CC2D2B: variants seen among roughly 807,000 people sequenced by gnomAD.
CC2D2B encodes protein CC2D2B.
Under a neutral mutation model 161.2 loss-of-function variants are expected in CC2D2B, and 128 were observed. The observed-to-expected ratio is 0.79, with a 90% CI of 0.69 to 0.92. CC2D2B has a LOEUF of 0.92. CC2D2B is among the 40% of genes least tolerant of loss of function. The probability of loss-of-function intolerance (pLI) is 0.00; values close to 1 mark genes in which losing one functional copy is unlikely to be tolerated. For synonymous variants in CC2D2B, 391 were observed against 449.8 expected, an observed-to-expected ratio of 0.87 and a Z score of 1.65; for missense variants, 1,173 against 1,375.1, an observed-to-expected ratio of 0.85 and a Z score of 2.32.
chr10:95,971,065 T>G (rs934932014), intron 15 of CC2D2B, among the ~76,000 whole-genome samples: 15 of 152,134 alleles, frequency 9.9e-5, no homozygotes. Context: ...GACAACACAG[T>G]ATAAGTCAAA....
intron 6 of CC2D2B, among the ~76,000 whole-genome samples, chr10:95,928,570 C>A (rs889669399): frequency 6.6e-6 from 1 of 152,122 alleles, no homozygotes; most frequent in Admixed American, 6.5e-5. Flanking sequence ...CCCCCACCCC[C>A]TGACAGGCCC....
intron 2 of CC2D2B, among the ~76,000 whole-genome samples, chr10:95,915,144 C>T (rs2098513773): frequency 1.3e-5 from 2 of 151,904 alleles, no homozygotes; most frequent in Admixed American, 1.3e-4. Flanking sequence ...TAAGTTAATT[C>T]CTGGGTATTT....
chr10:95,952,536 T>C (rs1765962557), intron 10 of CC2D2B: 2 of 152,258 alleles, frequency 1.3e-5, no homozygotes, highest in East Asian at 1.9e-4. Context: ...TCTTACCATA[T>C]GTATTATTTG....
In CC2D2B at chr10:95,993,826, TAAAG is replaced by T. The variant is rs1196422882; in HGVS notation, c.2642+1131_2642+1134del. Among the ~76,000 whole-genome samples, 35 of 136,232 alleles carry T rather than the reference TAAAG, an allele frequency of 2.6e-4. 1 individual carries two copies. In the East Asian group the frequency reaches 6.3e-3, roughly 24 times the overall value. 89.4% of individuals were successfully genotyped at this position (136,232 alleles called of 152,430 possible). On this transcript the variant is annotated intron_variant, in intron 22 of 34. Transcript: ENST00000646931. ...AGAGAATATATATAGAGTGTATATA[TAAAG>T]AGTGTATATATATATATATATAGAG... is the stretch of plus-strand genomic sequence containing the variant.
At chr10:95,929,612 A>G (rs2098546058) in intron 6 of CC2D2B, among the ~76,000 whole-genome samples, 1 of 152,218 alleles carries the variant, frequency 6.6e-6, no homozygotes, top group Non-Finnish European at 1.5e-5. Flanking sequence ...TTTTCGGCAT[A>G]TGGCTAACCA....
intron 34 of CC2D2B, among the ~76,000 whole-genome samples, chr10:96,029,818 T>G (rs1399957386): frequency 7.8e-4 from 15 of 19,266 alleles, no homozygotes; most frequent in African/African-American, 2.6e-3. Flanking sequence ...TGTTGTTTTG[T>G]TTTTTTTTTT....
At chr10:95,944,645 T>C (rs1304919169) in intron 9 of CC2D2B, among the ~76,000 whole-genome samples, 1 of 152,194 alleles carries the variant, frequency 6.6e-6, no homozygotes, top group Non-Finnish European at 1.5e-5. Context: ...AAAAAGTAAA[T>C]GCATAATTTA....
Position 96,032,007 on chromosome 10 carries a change from G to A in CC2D2B, c.4313G>A (p.Ter1438=), listed in dbSNP as rs1564691690. Residue 1438 remains the stop codon, a stop_retained_variant, in exon 35 of 35, where the codon TGA becomes TAA. Coordinates refer to ENST00000646931, the MANE Select transcript of CC2D2B (RefSeq NM_001349008.3). The part of the protein sequence containing the change: ...VYLASLVQHQ[*] ...TTGGCTTCCTTAGTTCAACATCAAT[G>A]AAAAGGAAGCAGAGCAAAGTAAAAG... 23 of 1,610,160 alleles carry A rather than the reference G, an allele frequency of 1.4e-5. No homozygotes were observed. The highest frequency in any genetic ancestry group is 1.8e-5 in the Non-Finnish European group (21 of 1,177,416).
chr10:95,991,063 G>C (rs2077936332), intron 20 of CC2D2B, among the ~76,000 whole-genome samples: 2 of 152,294 alleles, frequency 1.3e-5, no homozygotes, highest in South Asian at 4.1e-4. Flanking sequence ...GTGAAAACTA[G>C]TTCTGGCCAC....
intron 24 of CC2D2B, among the ~76,000 whole-genome samples, chr10:96,003,736 G>A (rs890062789): frequency 5.3e-5 from 8 of 152,034 alleles, no homozygotes; most frequent in East Asian, 1.9e-4. Flanking sequence ...GATTACAGGC[G>A]TGAGCCACCA....
At chr10:96,015,012 C>T (rs1402151366) in intron 29 of CC2D2B, among the ~76,000 whole-genome samples, 1 of 152,136 alleles carries the variant, frequency 6.6e-6, no homozygotes, top group Non-Finnish European at 1.5e-5. Flanking sequence ...TTATCCCCAC[C>T]TCCCTGGCCC....
chr10:95,980,012 G>A (rs535386333), intron 17 of CC2D2B, among the ~76,000 whole-genome samples: 31 of 152,280 alleles, frequency 2.0e-4, no homozygotes, highest in African/African-American at 7.5e-4. Flanking sequence ...TCTTTCTTGG[G>A]GCCATGCTAT....
In CC2D2B at chr10:95,938,200, T is replaced by G; in HGVS notation, c.535+11T>G. 1 of 1,516,936 alleles carries G rather than the reference T, an allele frequency of 6.6e-7. No homozygotes were observed. 94.0% of individuals were successfully genotyped at this position (1,516,936 alleles called of 1,614,324 possible). On this transcript the variant is annotated intron_variant, in intron 7 of 34. Coordinates refer to ENST00000646931, the MANE Select transcript of CC2D2B (RefSeq NM_001349008.3). ...CAAGTAGTTCTCCAGGTAACATTCT[T>G]TCCCAGTAAAATATTCAAGTCATTA... is the stretch of plus-strand genomic sequence containing the variant.
rs35860002 is a variant in CC2D2B at position 96,025,363 on chromosome 10, C to CAAA, written c.3947+472_3947+474dup. On this transcript the variant is annotated intron_variant, in intron 33 of 34. Transcript: ENST00000646931. ...GCCTGGGCAACAGAGTGAGGCCTTGCAAAAAAAAAAAAAAAAAAAAAAGTT... is the reference window on the plus strand; with the variant it reads ...GCCTGGGCAACAGAGTGAGGCCTTGCAAAAAAAAAAAAAAAAAAAAAAAAAGTT... 9.0e-4 allele frequency among the ~76,000 whole-genome samples: 47 copies of CAAA among 52,414 alleles called. 2 individuals carry two copies. Among genetic ancestry groups the CAAA allele is most frequent in the African/African-American group, 1.5e-3 (20 of 13,206 alleles). The allele number at this position is 52,414 out of a possible 152,430, so 34.4% of individuals were successfully genotyped here.
At chr10:96,021,978 T>C (rs2079482235) in intron 32 of CC2D2B, among the ~76,000 whole-genome samples, 1 of 152,184 alleles carries the variant, frequency 6.6e-6, no homozygotes, top group Non-Finnish European at 1.5e-5. Context: ...AAAGAATGCA[T>C]GGTGGCTGTG....
intron 23 of CC2D2B, among the ~76,000 whole-genome samples, chr10:95,995,908 C>T (rs560480458): frequency 1.3e-5 from 2 of 152,192 alleles, no homozygotes; most frequent in African/African-American, 4.8e-5. Context: ...TGTATATTTT[C>T]CCCTGATAGA....
At chr10:96,016,884 A>G (rs148475217) in intron 30 of CC2D2B, among the ~76,000 whole-genome samples, 4,936 of 151,812 alleles carry the variant, frequency 0.033, 250 homozygotes, top group African/African-American at 0.11. Context: ...CGCCCGGCTA[A>G]TTTTTTGTAT....
chr10:96,010,944 C>G (rs1349791086), intron 26 of CC2D2B, among the ~76,000 whole-genome samples: 1 of 152,130 alleles, frequency 6.6e-6, no homozygotes, highest in Non-Finnish European at 1.5e-5. Context: ...AAAATATATA[C>G]AAATCCTAGC....
chr10:95,915,569 G>T (rs1349101442), intron 2 of CC2D2B, among the ~76,000 whole-genome samples: 1 of 152,070 alleles, frequency 6.6e-6, no homozygotes. Context: ...GTGCGTTGGG[G>T]TATGTTTCTT....
Sources: gnomAD v4.1 joint callset for allele counts (sites outside exome capture counted in the v4.1 genomes callset) on GRCh38, gnomAD v4.1.1 for gene constraint, MANE v1.5 for transcripts, NCBI Gene and HGNC (gene_info 2026-07-23, HGNC 2026-07-21) for gene names.